Variants in LRATD2 observed in about 807,000 individuals in gnomAD.
LRATD2 encodes LRAT domain containing 2.
Under a neutral mutation model 12.0 loss-of-function variants are expected in LRATD2, and 10 were observed. That is an observed-to-expected ratio of 0.83 (90% CI 0.51 to 1.41). LRATD2 has a LOEUF of 1.41. Ranked by LOEUF, LRATD2 falls within the 40% of genes most tolerant of loss-of-function variation. LRATD2 has a pLI of 0.00. For synonymous variants in LRATD2, 220 were observed against 205.8 expected (o/e 1.07, Z -0.59); for missense variants, 455 against 446.1 (o/e 1.02, Z -0.18).
rs1294209294 is a variant in LRATD2, at chr8:126,556,100, C to G, written c.*357G>C. 3.6e-6 allele frequency: 1 copy of G among 278,692 alleles called. No individual in the cohort carries two copies. The highest frequency in any genetic ancestry group is 6.7e-6 in the Non-Finnish European group (1 of 149,758). The allele number at this position is 278,692 out of a possible 1,614,324, so 17.3% of individuals were successfully genotyped here. A position where few individuals can be genotyped will look rare whatever the true frequency, so the allele number is the denominator to read the frequency against. Reference sequence around the variant, plus strand: ...GGAAGCAACGGCAGGAATGGGTACTCCGAACTTTCCCCCAACCCCACGTGC... The same window carrying G: ...GGAAGCAACGGCAGGAATGGGTACTGCGAACTTTCCCCCAACCCCACGTGC... On this transcript the variant is annotated 3_prime_UTR_variant, in exon 2 of 2. Coordinates refer to ENST00000304916, the MANE Select transcript of LRATD2 (RefSeq NM_174911.5). The surrounding 1 kb of genome is among the most constrained non-coding windows in gnomAD (Gnocchi z 5.6).
At position 126,556,216 on chromosome 8, in the gene LRATD2, A is replaced by G. The variant is rs942962688; in HGVS notation, c.*241T>C. Reference sequence around the variant, plus strand: ...CTCCACCGCGGAGAGGAAGACAGACAGGGGGCCAGAGGGAGACGCCCCCCA... The same window carrying G: ...CTCCACCGCGGAGAGGAAGACAGACGGGGGGCCAGAGGGAGACGCCCCCCA... On this transcript the variant is annotated 3_prime_UTR_variant, in exon 2 of 2. Coordinates refer to ENST00000304916, the MANE Select transcript of LRATD2 (RefSeq NM_174911.5). The surrounding 1 kb of genome is among the most constrained non-coding windows in gnomAD (Gnocchi z 5.6). 10 of 511,048 alleles carry G rather than the reference A, an allele frequency of 2.0e-5. No homozygotes were observed. Among genetic ancestry groups the G allele is most frequent in the Non-Finnish European group, 3.4e-5 (10 of 296,480 alleles). 31.7% of individuals were successfully genotyped at this position (511,048 alleles called of 1,614,324 possible).
Position 126,557,789 on chromosome 8 carries a change from G to T in LRATD2, c.-97+245C>A, listed in dbSNP as rs1004224036. 1 of 194,376 alleles carries T rather than the reference G, an allele frequency of 5.1e-6. No individual in the cohort carries two copies. The highest frequency in any genetic ancestry group is 2.4e-5 in the African/African-American group (1 of 42,152). 12.0% of individuals were successfully genotyped at this position (194,376 alleles called of 1,614,324 possible). A position where few individuals can be genotyped will look rare whatever the true frequency, so the allele number is the denominator to read the frequency against. The stretch of plus-strand genomic sequence containing the variant: ...TTGGGCAGGAAGAGGGAAGGAAAGA[G>T]AAACTTTACGCCAATCCCCCCCCTC... On this transcript the variant is annotated intron_variant, in intron 1 of 1. Transcript: ENST00000304916. The surrounding 1 kb of genome is among the most constrained non-coding windows in gnomAD (Gnocchi z 5.3).
chr8:126,556,706 G>A lies in LRATD2; in HGVS notation c.684C>T (p.Tyr228=), dbSNP rs1216047398. ...GCGCCGACAGCTGAATCTGCAGCCG[G>A]TAGGGCTGCTTGCCGATGCGCAGCT... ...GGELRIGKQP[Y]RLQIQLSAQR... is the part of the protein sequence containing the mutation. Residue 228 remains tyrosine (Y), a synonymous_variant, in exon 2 of 2, where the codon TAC becomes TAT. Coordinates refer to ENST00000304916, the MANE Select transcript of LRATD2 (RefSeq NM_174911.5). The surrounding 1 kb of genome is among the most constrained non-coding windows in gnomAD (Gnocchi z 5.6). 3 of 1,608,728 alleles carry A rather than the reference G, an allele frequency of 1.9e-6. No individual in the cohort carries two copies. The highest frequency in any genetic ancestry group is 3.4e-5 in the Admixed American group (2 of 59,514).
chr8:126,554,157 C>T lies in LRATD2; in HGVS notation c.*2300G>A, dbSNP rs1416216510. ...AGTAGCAGGCATTACAGGCGCCTGC[C>T]ACCACGCCCAGCTAATTTTCTGTAT... On this transcript the variant is annotated 3_prime_UTR_variant, in exon 2 of 2. Transcript: ENST00000304916. 2.0e-5 allele frequency: 3 copies of T among 152,280 alleles called. No individual in the cohort carries two copies. Among genetic ancestry groups the T allele is most frequent in the African/African-American group, 7.2e-5 (3 of 41,454 alleles). 9.4% of individuals were successfully genotyped at this position (152,280 alleles called of 1,614,324 possible).
Position 126,555,030 on chromosome 8 carries a change from T to C in LRATD2, c.*1427A>G, listed in dbSNP as rs569227630. 2 of 152,320 alleles carry C rather than the reference T, an allele frequency of 1.3e-5. No individual in the cohort carries two copies. The highest frequency in any genetic ancestry group is 3.9e-4 in the East Asian group (2 of 5,186). The allele number at this position is 152,320 out of a possible 1,614,324, so 9.4% of individuals were successfully genotyped here. A position where few individuals can be genotyped will look rare whatever the true frequency, so the allele number is the denominator to read the frequency against. On this transcript the variant is annotated 3_prime_UTR_variant, in exon 2 of 2. Coordinates refer to ENST00000304916, the MANE Select transcript of LRATD2 (RefSeq NM_174911.5). ...TCTCATACCAAGCAAAACCAAGTAG[T>C]ATCTGCTCAGCCTGCCGCTAACAGA...
chr8:126,557,463 C>T lies in LRATD2; in HGVS notation c.-74G>A. The T allele has an allele frequency of 1.3e-6, 2 of 1,512,522 alleles. No individual in the cohort carries two copies. Among genetic ancestry groups the T allele is most frequent in the Non-Finnish European group, 1.8e-6 (2 of 1,114,926 alleles). 93.7% of individuals were successfully genotyped at this position (1,512,522 alleles called of 1,614,324 possible). ...CAACTCCAGGGTCATTTGCACAGGT[C>T]CCCGGACAGGGGCTGAGGCTACCTG... is the stretch of plus-strand genomic sequence containing the variant. On this transcript the variant is annotated 5_prime_UTR_variant, in exon 2 of 2. Coordinates refer to ENST00000304916, the MANE Select transcript of LRATD2 (RefSeq NM_174911.5). The surrounding 1 kb of genome is among the most constrained non-coding windows in gnomAD (Gnocchi z 5.3).
chr8:126,558,453 A>C lies in LRATD2; in HGVS notation c.-516T>G, dbSNP rs865830398. On this transcript the variant is annotated 5_prime_UTR_variant, in exon 1 of 2. Transcript: ENST00000304916. Reference sequence around the variant, plus strand: ...GCTCCGGGCTCCCGGGCGGGAGCGCAGCCCGTGGCATTTAAAGAGACAGGC... The same window carrying C: ...GCTCCGGGCTCCCGGGCGGGAGCGCCGCCCGTGGCATTTAAAGAGACAGGC... The C allele has an allele frequency of 1.3e-5, 2 of 152,154 alleles. No homozygotes were observed. The highest frequency in any genetic ancestry group is 6.5e-5 in the Admixed American group (1 of 15,290). The allele number at this position is 152,154 out of a possible 1,614,324, so 9.4% of individuals were successfully genotyped here.
rs774161569 is a variant in LRATD2, at chr8:126,556,577, C to T, written c.813G>A (p.Thr271=). 2 of 1,609,398 alleles carry T rather than the reference C, an allele frequency of 1.2e-6. No individual in the cohort carries two copies. The highest frequency in any genetic ancestry group is 1.7e-6 in the Non-Finnish European group (2 of 1,178,066). The change falls in exon 2 of 2, where the codon ACG becomes ACA. Residue 271 remains threonine, a synonymous_variant. Transcript: ENST00000304916. This position sits in a 1 kb window ranked among gnomAD's most constrained non-coding sequence, Gnocchi z 5.6. ...CCTCCGGCTCCGCCGGGTGCAGGTG[C>T]GTGGCGAGCTCCTGCAGCACGGCCG... The part of the protein sequence containing the change: ...GRAAVLQELA[T]HLHPAEPEEG...
Position 126,558,375 on chromosome 8 carries a change from TGG to T in LRATD2, c.-440_-439del, listed in dbSNP as rs1310266150. 1 of 152,070 alleles carries T rather than the reference TGG, an allele frequency of 6.6e-6. No individual in the cohort carries two copies. The highest frequency in any genetic ancestry group is 1.5e-5 in the Non-Finnish European group (1 of 68,034). 9.4% of individuals were successfully genotyped at this position (152,070 alleles called of 1,614,324 possible). A position where few individuals can be genotyped will look rare whatever the true frequency, so the allele number is the denominator to read the frequency against. On this transcript the variant is annotated 5_prime_UTR_variant, in exon 1 of 2. It removes the in-frame stop codon of an upstream open reading frame in the 5' UTR. Coordinates refer to ENST00000304916, the MANE Select transcript of LRATD2 (RefSeq NM_174911.5). ...CAGCCTGGCGGCAACAGCTCCCGCTTGGGCCGGGCGAGCAACAAGCACCGGAG... is the reference window on the plus strand; with the variant it reads ...CAGCCTGGCGGCAACAGCTCCCGCTTGCCGGGCGAGCAACAAGCACCGGAG...
Position 126,557,416 on chromosome 8 carries a change from C to A in LRATD2, c.-27G>T. 3 of 1,605,970 alleles carry A rather than the reference C, an allele frequency of 1.9e-6. No homozygotes were observed. The highest frequency in any genetic ancestry group is 1.7e-6 in the Non-Finnish European group (2 of 1,177,938). On this transcript the variant is annotated 5_prime_UTR_variant, in exon 2 of 2. Coordinates refer to ENST00000304916, the MANE Select transcript of LRATD2 (RefSeq NM_174911.5). The surrounding 1 kb of genome is among the most constrained non-coding windows in gnomAD (Gnocchi z 5.3). ...ACGCTGCGGACACACGTTCACACCG[C>A]CGCAAGGGGAGAAAGCGAAACCAAC...
rs1371768334 is a variant in LRATD2 at position 126,554,651 on chromosome 8, C to T, written c.*1806G>A. 2 of 152,178 alleles carry T rather than the reference C, an allele frequency of 1.3e-5. No individual in the cohort carries two copies. The highest frequency in any genetic ancestry group is 3.9e-4 in the East Asian group (2 of 5,194). 9.4% of individuals were successfully genotyped at this position (152,178 alleles called of 1,614,324 possible). ...GGTCCAAGCTTTTAAAGACTATGGC[C>T]TCAACGTCCATGTGTGAAACAAGTG... On this transcript the variant is annotated 3_prime_UTR_variant, in exon 2 of 2. Coordinates refer to ENST00000304916, the MANE Select transcript of LRATD2 (RefSeq NM_174911.5).
In LRATD2 at chr8:126,557,476, C is replaced by A; in HGVS notation, c.-87G>T. 1 of 1,397,660 alleles carries A rather than the reference C, an allele frequency of 7.2e-7. No homozygotes were observed. Among genetic ancestry groups the A allele is most frequent in the Non-Finnish European group, 9.8e-7 (1 of 1,023,782 alleles). 86.6% of individuals were successfully genotyped at this position (1,397,660 alleles called of 1,614,324 possible). ...ATTTGCACAGGTCCCCGGACAGGGG[C>A]TGAGGCTACCTGTTGGGAGAGGAAG... On this transcript the variant is annotated 5_prime_UTR_variant, in exon 2 of 2. Transcript: ENST00000304916. The surrounding 1 kb of genome is among the most constrained non-coding windows in gnomAD (Gnocchi z 5.3).
rs1489356559 is a variant in LRATD2 at position 126,557,155 on chromosome 8, G to T, written c.235C>A (p.His79Asn). Residue 79 changes from histidine (H) to asparagine (N), a missense_variant, in exon 2 of 2, where the codon CAC becomes AAC. Physicochemically the swap from His to Asn is moderately conservative, Grantham distance 68. Transcript: ENST00000304916. The surrounding 1 kb of genome is among the most constrained non-coding windows in gnomAD (Gnocchi z 5.3). ...PQPQPYDPRLHEVECSVFYRD... is the reference protein window; with the variant it reads ...PQPQPYDPRLNEVECSVFYRD... ...TAGAACACGGAGCATTCCACCTCGT[G>T]CAGCCGCGGATCGTAGGGCTGCGGC... is the stretch of plus-strand genomic sequence containing the variant. The T allele has an allele frequency of 6.2e-7, 1 of 1,612,078 alleles. No homozygotes were observed. Among genetic ancestry groups the T allele is most frequent in the South Asian group, 1.1e-5 (1 of 91,016 alleles).
In LRATD2 at chr8:126,556,537, C is replaced by T; in HGVS notation, c.853G>A (p.Val285Met). 5.0e-6 allele frequency: 8 copies of T among 1,602,512 alleles called. No homozygotes were observed. The highest frequency in any genetic ancestry group is 2.2e-5 in the East Asian group (1 of 44,474). The change falls in exon 2 of 2, where the codon GTG (valine) becomes ATG (methionine). Residue 285 changes from valine to methionine, a missense_variant. Val to Met is a conservative substitution (Grantham distance 21). Transcript: ENST00000304916. This position sits in a 1 kb window ranked among gnomAD's most constrained non-coding sequence, Gnocchi z 5.6. Reference sequence around the variant, plus strand: ...CCGGGAGGCGGCGTAGTCCGCGCCACGTTGCTGTCGCCCTCCTCCGGCTCC... The same window carrying T: ...CCGGGAGGCGGCGTAGTCCGCGCCATGTTGCTGTCGCCCTCCTCCGGCTCC... ...PAEPEEGDSN[V>M]ARTTPPPGRP...
In LRATD2 at chr8:126,553,441, A is replaced by G. The variant is rs1442362090; in HGVS notation, c.*3016T>C. 1 of 152,644 alleles carries G rather than the reference A, an allele frequency of 6.6e-6. No individual in the cohort carries two copies. Among genetic ancestry groups the G allele is most frequent in the African/African-American group, 2.4e-5 (1 of 41,444 alleles). 9.5% of individuals were successfully genotyped at this position (152,644 alleles called of 1,614,324 possible). On this transcript the variant is annotated 3_prime_UTR_variant, in exon 2 of 2. Coordinates refer to ENST00000304916, the MANE Select transcript of LRATD2 (RefSeq NM_174911.5). ...GAACTTCTGAAGAACATTAGAATCG[A>G]TATTTCTTTCCTTCAAAGAGCATCC...
In LRATD2 at chr8:126,556,989, G is replaced by A; in HGVS notation, c.401C>T (p.Ala134Val). 8 of 1,608,062 alleles carry A rather than the reference G, an allele frequency of 5.0e-6. No homozygotes were observed. Among genetic ancestry groups the A allele is most frequent in the Non-Finnish European group, 5.9e-6 (7 of 1,179,966 alleles). ...CACCTGGAAGTTACCCACATATACG[G>A]CCCAGTGCGGGTACTGAGCCTGCGA... is the stretch of plus-strand genomic sequence containing the variant. ...FVSQAQYPHW[A>V]VYVGNFQVVH... Residue 134 changes from alanine to valine, a missense_variant, in exon 2 of 2, where the codon GCC becomes GTC. Physicochemically the swap from Ala to Val is moderately conservative, Grantham distance 64. Transcript: ENST00000304916. This position sits in a 1 kb window ranked among gnomAD's most constrained non-coding sequence, Gnocchi z 5.6.
rs1168978816 is a variant in LRATD2, at chr8:126,557,514, T to C, written c.-96-29A>G. Reference sequence around the variant, plus strand: ...TTGGGAGAGGAAGGCAAGAAAGCCATGCAGGAGCCCCTCCGTGAAAAGGGC... The same window carrying C: ...TTGGGAGAGGAAGGCAAGAAAGCCACGCAGGAGCCCCTCCGTGAAAAGGGC... On this transcript the variant is annotated intron_variant, in intron 1 of 1. Coordinates refer to ENST00000304916, the MANE Select transcript of LRATD2 (RefSeq NM_174911.5). The surrounding 1 kb of genome is among the most constrained non-coding windows in gnomAD (Gnocchi z 5.3). 1 of 1,050,398 alleles carries C rather than the reference T, an allele frequency of 9.5e-7. No homozygotes were observed. Among genetic ancestry groups the C allele is most frequent in the Non-Finnish European group, 1.4e-6 (1 of 725,608 alleles). The allele number at this position is 1,050,398 out of a possible 1,614,324, so 65.1% of individuals were successfully genotyped here.
In LRATD2 at chr8:126,553,697, T is replaced by C. The variant is rs1314176841; in HGVS notation, c.*2760A>G. 1 of 152,174 alleles carries C rather than the reference T, an allele frequency of 6.6e-6. No individual in the cohort carries two copies. Among genetic ancestry groups the C allele is most frequent in the Non-Finnish European group, 1.5e-5 (1 of 68,026 alleles). The allele number at this position is 152,174 out of a possible 1,614,324, so 9.4% of individuals were successfully genotyped here. On this transcript the variant is annotated 3_prime_UTR_variant, in exon 2 of 2. Transcript: ENST00000304916. ...TTAAGTGTAATAACCCTAAGAAAAT[T>C]CCCAATAAAAATCACTGTTCTTAAG...
chr8:126,557,232 C>T lies in LRATD2; in HGVS notation c.158G>A (p.Gly53Glu). The change falls in exon 2 of 2, where the codon GGG (glycine) becomes GAG (glutamate). Residue 53 changes from glycine (G) to glutamate (E), a missense_variant. Coordinates refer to ENST00000304916, the MANE Select transcript of LRATD2 (RefSeq NM_174911.5). This position sits in a 1 kb window ranked among gnomAD's most constrained non-coding sequence, Gnocchi z 5.3. ...GTCGGGCAAGCCGCCGCCATCTGGC[C>T]CCTGAGGCGGCGGCTGCGGCTCCAC... ...EDVEPQPPPQ[G>E]PDGGGLPDGG... 3.7e-6 allele frequency: 6 copies of T among 1,603,448 alleles called. No homozygotes were observed. Among genetic ancestry groups the T allele is most frequent in the Non-Finnish European group, 5.1e-6 (6 of 1,175,316 alleles).
Sources: allele counts gnomAD v4.1 joint callset, GRCh38; gene constraint gnomAD v4.1.1; non-coding constraint Gnocchi (gnomAD v3.1); transcripts MANE v1.5; gene names NCBI Gene and HGNC (gene_info 2026-07-23, HGNC 2026-07-21).